C3orf70: variants seen among roughly 807,000 people sequenced by gnomAD.
C3orf70 encodes the protein chromosome 3 open reading frame 70.
In C3orf70, 15 loss-of-function variants were observed where a neutral mutation model predicts 20.7. The ratio of observed to expected loss-of-function variants is 0.72; its 90% confidence interval spans 0.48 to 1.11. C3orf70 has a LOEUF of 1.11. Ranked by LOEUF, C3orf70 falls within the 50% of genes most tolerant of loss-of-function variation. The pLI is 0.00. For missense variants in C3orf70, 332 were observed against 317.6 expected (o/e 1.05, Z -0.34); for synonymous variants, 161 against 125.7 (o/e 1.28, Z -1.88).
intron 1 of C3orf70, among the ~76,000 whole-genome samples, chr3:185,094,072 G>GA: frequency 8.4e-6 from 1 of 118,732 alleles, no homozygotes; most frequent in Non-Finnish European, 1.7e-5. Flanking sequence ...TTATACCCTG[G>GA]GGTTTTTTTT....
At chr3:185,125,885 T>TG (rs750658562) in intron 1 of C3orf70, among the ~76,000 whole-genome samples, 10 of 152,098 alleles carry the variant, frequency 6.6e-5, no homozygotes, top group Non-Finnish European at 1.2e-4. Context: ...TTACCAGGGA[T>TG]GGGGGTGAGA....
chr3:185,084,064 A>T (rs1020263884), intron 1 of C3orf70, among the ~76,000 whole-genome samples: 15 of 152,136 alleles, frequency 9.9e-5, no homozygotes, highest in Non-Finnish European at 1.5e-5. Flanking sequence ...ACACGCCTGT[A>T]ATCCCAGTTA....
intron 1 of C3orf70, among the ~76,000 whole-genome samples, chr3:185,150,109 G>C (rs982579089): frequency 1.1e-4 from 16 of 152,062 alleles, no homozygotes; most frequent in Admixed American, 9.8e-4. Flanking sequence ...TAAGGTATTT[G>C]ACCAGGTTTT....
rs142391717 is a variant in C3orf70, at chr3:185,097,898, G to A, written c.197-14335C>T. The stretch of plus-strand genomic sequence containing the variant: ...ATACCTATTTGTCCACGTTATGTGT[G>A]TAGAAACTTACAATTACAGCAGATA... On this transcript the variant is annotated intron_variant, in intron 1 of 1. Transcript: ENST00000335012. 2.2e-3 allele frequency among the ~76,000 whole-genome samples: 328 copies of A among 152,326 alleles called. 4 individuals carry two copies. The highest frequency in any genetic ancestry group is 7.4e-3 in the African/African-American group (309 of 41,570).
chr3:185,094,890 C>A (rs910197657), intron 1 of C3orf70, among the ~76,000 whole-genome samples: 4 of 152,152 alleles, frequency 2.6e-5, no homozygotes, highest in Non-Finnish European at 5.9e-5. Flanking sequence ...AAACCATATG[C>A]TCAGAAAAAG....
rs1198060234 is a variant in C3orf70, at chr3:185,078,217, T to TTG, written c.*4789_*4790insCA. ...AAAACTTTAAAATAGTTTTTAAAAA[T>TTG]AGCAGAGTAAGTGAATATTGCCAGG... On this transcript the variant is annotated 3_prime_UTR_variant, in exon 2 of 2. Coordinates refer to ENST00000335012, the MANE Select transcript of C3orf70 (RefSeq NM_001025266.3). 2.6e-5 allele frequency: 4 copies of TTG among 152,738 alleles called. No homozygotes were observed. Among genetic ancestry groups the TTG allele is most frequent in the African/African-American group, 9.6e-5 (4 of 41,568 alleles). The allele number at this position is 152,738 out of a possible 1,614,324, so 9.5% of individuals were successfully genotyped here. A position where few individuals can be genotyped will look rare whatever the true frequency, so the allele number is the denominator to read the frequency against.
intron 1 of C3orf70, among the ~76,000 whole-genome samples, chr3:185,124,494 C>T (rs1356060162): frequency 1.3e-5 from 2 of 152,060 alleles, no homozygotes; most frequent in African/African-American, 4.8e-5. Context: ...AGGATAGACA[C>T]AAATTTGTAA....
intron 1 of C3orf70, among the ~76,000 whole-genome samples, chr3:185,096,522 T>C (rs1011658578): frequency 6.6e-6 from 1 of 152,134 alleles, no homozygotes; most frequent in Admixed American, 6.6e-5. Flanking sequence ...GCTCCAAATT[T>C]TGCCTTCCAT....
intron 1 of C3orf70, among the ~76,000 whole-genome samples, chr3:185,144,600 T>C (rs187374176): frequency 6.6e-6 from 1 of 152,218 alleles, no homozygotes; most frequent in Non-Finnish European, 1.5e-5. Context: ...GCCTCCCAAG[T>C]AGCTGGGATT....
chr3:185,148,168 G>C (rs1283050177), intron 1 of C3orf70, among the ~76,000 whole-genome samples: 1 of 152,166 alleles, frequency 6.6e-6, no homozygotes, highest in African/African-American at 2.4e-5. Context: ...CTTCATCACA[G>C]CTACAACTGC....
intron 1 of C3orf70, among the ~76,000 whole-genome samples, chr3:185,147,448 TA>T (rs1445606903): frequency 2.6e-5 from 4 of 152,222 alleles, no homozygotes; most frequent in Admixed American, 1.3e-4. Context: ...ACCCATTTCT[TA>T]AAAACTTTCC....
At chr3:185,085,839 C>T (rs1228688765) in intron 1 of C3orf70, among the ~76,000 whole-genome samples, 3 of 151,208 alleles carry the variant, frequency 2.0e-5, no homozygotes, top group Non-Finnish European at 4.4e-5. Flanking sequence ...TGTATGGGCA[C>T]GGGATAGAGA....
chr3:185,126,194 T>A (rs1480319932), intron 1 of C3orf70, among the ~76,000 whole-genome samples: 1 of 152,236 alleles, frequency 6.6e-6, no homozygotes, highest in Non-Finnish European at 1.5e-5. Context: ...TTATATATAA[T>A]TTCAAGCCTG....
intron 1 of C3orf70, among the ~76,000 whole-genome samples, chr3:185,126,666 G>A (rs1227130719): frequency 6.6e-6 from 1 of 152,160 alleles, no homozygotes; most frequent in East Asian, 1.9e-4. Context: ...AATGACATGG[G>A]TTTCTTTGCT....
chr3:185,095,484 G>C (rs1327320987), intron 1 of C3orf70, among the ~76,000 whole-genome samples: 1 of 152,160 alleles, frequency 6.6e-6, no homozygotes, highest in Non-Finnish European at 1.5e-5. Flanking sequence ...AAAGACATCT[G>C]TCACATTTAT....
At chr3:185,097,074 C>T (rs1288110488) in intron 1 of C3orf70, among the ~76,000 whole-genome samples, 2 of 152,162 alleles carry the variant, frequency 1.3e-5, no homozygotes, top group Non-Finnish European at 2.9e-5. Context: ...CTATATTAAA[C>T]TTCCTCCCCA....
intron 1 of C3orf70, among the ~76,000 whole-genome samples, chr3:185,091,963 A>T (rs1188735901): frequency 0.028 from 434 of 15,732 alleles, 24 homozygotes; most frequent in African/African-American, 0.11. Flanking sequence ...ATATATATAT[A>T]TTTTTTTTTT....
rs1266733628 is a variant in C3orf70, at chr3:185,078,714, C to CT, written c.*4292dup. On this transcript the variant is annotated 3_prime_UTR_variant, in exon 2 of 2. Coordinates refer to ENST00000335012, the MANE Select transcript of C3orf70 (RefSeq NM_001025266.3). The stretch of plus-strand genomic sequence containing the variant: ...GGGACAGAAGAGAAAACTGTTAAAA[C>CT]TTTGTTTTCCTCATGTAAAAAAGCC... 2 of 152,180 alleles carry CT rather than the reference C, an allele frequency of 1.3e-5. No homozygotes were observed. Among genetic ancestry groups the CT allele is most frequent in the African/African-American group, 4.8e-5 (2 of 41,442 alleles). The allele number at this position is 152,180 out of a possible 1,614,324, so 9.4% of individuals were successfully genotyped here.
chr3:185,112,697 TTAAAAGA>T (rs1392252212), intron 1 of C3orf70, among the ~76,000 whole-genome samples: 2 of 152,170 alleles, frequency 1.3e-5, no homozygotes, highest in Non-Finnish European at 2.9e-5. Context: ...CACCATCTAG[TTAAAAGA>T]TAAAACTATC....
Sources: gnomAD v4.1 joint callset for allele counts (sites outside exome capture counted in the v4.1 genomes callset) on GRCh38, gnomAD v4.1.1 for gene constraint, MANE v1.5 for transcripts, NCBI Gene and HGNC (gene_info 2026-07-23, HGNC 2026-07-21) for gene names.